The following OR56A3 variants were observed in gnomAD, a reference collection of about 807,000 sequenced individuals.
OR56A3 encodes olfactory receptor 56A3.
A neutral mutation model predicts 17.5 loss-of-function variants in OR56A3; 23 were observed. That is an observed-to-expected ratio of 1.32 (90% CI 0.95 to 1.87). The LOEUF (loss-of-function observed/expected upper bound fraction) is 1.87, where lower values mean the gene tolerates loss of function less well. OR56A3 is among the 40% of genes most tolerant of loss of function. The pLI is 0.00. For synonymous variants in OR56A3, 175 were observed against 150.6 expected, an observed-to-expected ratio of 1.16 and a Z score of -1.19; for missense variants, 366 against 380.1, an observed-to-expected ratio of 0.96 and a Z score of 0.31.
the OR56A3 span, among the ~76,000 whole-genome samples, chr11:6,014,612 T>C: frequency 3.9e-5 from 6 of 152,182 alleles, no homozygotes; most frequent in African/African-American, 1.2e-4. Context: ...TTGATAAAGA[T>C]ACCTGAAAAT....
the OR56A3 span, chr11:5,986,732 T>A: frequency 1.2e-6 from 2 of 1,613,752 alleles, no homozygotes; most frequent in Admixed American, 1.7e-5. Flanking sequence ...TCCATCCAGA[T>A]GATGAAGAGA....
At chr11:5,974,047 G>A in the OR56A3 span, among the ~76,000 whole-genome samples, 4 of 151,706 alleles carry the variant, frequency 2.6e-5, no homozygotes, top group Non-Finnish European at 5.9e-5. Flanking sequence ...TATCTCCTAC[G>A]TGCTTCTTAT....
the OR56A3 span, chr11:6,003,097 C>G: frequency 6.2e-7 from 1 of 1,605,878 alleles, no homozygotes; most frequent in African/African-American, 1.3e-5. Flanking sequence ...TGTGGGTTTC[C>G]ACTGAGGCCC....
rs968752096 is a variant in OR56A3, at chr11:5,950,009, A to G, written c.*1715A>G. 2 of 152,240 alleles carry G rather than the reference A, an allele frequency of 1.3e-5. No homozygotes were observed. Among genetic ancestry groups the G allele is most frequent in the African/African-American group, 4.8e-5 (2 of 41,470 alleles). The allele number at this position is 152,240 out of a possible 1,614,324, so 9.4% of individuals were successfully genotyped here. On this transcript the variant is annotated 3_prime_UTR_variant, in exon 3 of 3. Coordinates refer to ENST00000641160, the MANE Select transcript of OR56A3 (RefSeq NM_001003443.3). ...ATCTCATTCTCTCATACATTTCAAC[A>G]TAAGAAAAATGGCTTGACTTGAAAT...
chr11:5,995,572 A>G, the OR56A3 span, among the ~76,000 whole-genome samples: 1 of 152,206 alleles, frequency 6.6e-6, no homozygotes, highest in Non-Finnish European at 1.5e-5. Flanking sequence ...AATACTACCC[A>G]TCAAGGTTCC....
At chr11:5,959,549 A>G in the OR56A3 span, among the ~76,000 whole-genome samples, 4 of 152,168 alleles carry the variant, frequency 2.6e-5, no homozygotes, top group Non-Finnish European at 5.9e-5. Flanking sequence ...TATTTTAAAC[A>G]TTAATCTTTA....
chr11:5,961,905 T>C, the OR56A3 span, among the ~76,000 whole-genome samples: 4 of 152,230 alleles, frequency 2.6e-5, no homozygotes, highest in Non-Finnish European at 5.9e-5. Context: ...TCTTGCCTAA[T>C]TGCTCATGCT....
At chr11:6,012,770 AC>A in the OR56A3 span, among the ~76,000 whole-genome samples, 2 of 152,200 alleles carry the variant, frequency 1.3e-5, no homozygotes, top group Non-Finnish European at 2.9e-5. Flanking sequence ...ACCAAGGGGC[AC>A]CTTTAGGCCA....
the OR56A3 span, chr11:5,999,504 T>C: frequency 6.6e-6 from 1 of 152,196 alleles, no homozygotes; most frequent in Non-Finnish European, 1.5e-5. Context: ...AGTACACAAA[T>C]TTAGCCAAAT....
the OR56A3 span, among the ~76,000 whole-genome samples, chr11:5,965,746 C>T: frequency 1.3e-5 from 2 of 152,094 alleles, no homozygotes; most frequent in African/African-American, 4.8e-5. Context: ...ACACATGACT[C>T]AAGAAGGTCA....
intron 1 of OR56A3, among the ~76,000 whole-genome samples, chr11:5,943,734 C>T (rs767540558): frequency 3.9e-5 from 6 of 151,980 alleles, no homozygotes; most frequent in Admixed American, 1.3e-4. Context: ...GTTACAAGTG[C>T]CACAAAAAGA....
chr11:5,964,070 C>G, the OR56A3 span, among the ~76,000 whole-genome samples: 28 of 151,944 alleles, frequency 1.8e-4, no homozygotes, highest in African/African-American at 6.8e-4. Flanking sequence ...TTATATTATT[C>G]TTTCAATTTC....
At chr11:5,954,904 A>C (rs971915249), downstream of OR56A3, among the ~76,000 whole-genome samples, 1 of 152,208 alleles carries the variant, frequency 6.6e-6, no homozygotes, top group Non-Finnish European at 1.5e-5. Flanking sequence ...AAGAAGTTGG[A>C]ATTTGTAAAG....
At chr11:5,962,221 T>C in the OR56A3 span, among the ~76,000 whole-genome samples, 12 of 152,244 alleles carry the variant, frequency 7.9e-5, no homozygotes, top group South Asian at 8.3e-4. Flanking sequence ...TTAGCATTTA[T>C]TCTTGCATCT....
chr11:6,017,461 G>C, the OR56A3 span, among the ~76,000 whole-genome samples: 2 of 152,186 alleles, frequency 1.3e-5, no homozygotes, highest in Admixed American at 1.3e-4. Flanking sequence ...GTCAGATTAA[G>C]GGTAGATTTC....
At chr11:6,009,574 AATAC>A in the OR56A3 span, among the ~76,000 whole-genome samples, 1 of 152,160 alleles carries the variant, frequency 6.6e-6, no homozygotes, top group African/African-American at 2.4e-5. Flanking sequence ...ACACACACAT[AATAC>A]ATTATATATT....
chr11:6,012,606 C>A, the OR56A3 span, among the ~76,000 whole-genome samples: 4 of 152,192 alleles, frequency 2.6e-5, no homozygotes, highest in Non-Finnish European at 1.5e-5. Context: ...CTTCTCTGCT[C>A]TGGCTGATCC....
At chr11:5,994,280 T>G in the OR56A3 span, 3 of 614,646 alleles carry the variant, frequency 4.9e-6, no homozygotes, top group Non-Finnish European at 6.1e-6. Flanking sequence ...CTCAGCTCCA[T>G]GAGTGTCATC....
chr11:5,961,483 C>T, the OR56A3 span, among the ~76,000 whole-genome samples: 5 of 152,142 alleles, frequency 3.3e-5, no homozygotes, highest in African/African-American at 9.7e-5. Context: ...GGTGCTGTGT[C>T]CACTCAGGGT....
Sources: gnomAD v4.1 joint callset for allele counts (sites outside exome capture counted in the v4.1 genomes callset) on GRCh38, gnomAD v4.1.1 for gene constraint, MANE v1.5 for transcripts, NCBI Gene and HGNC (gene_info 2026-07-23, HGNC 2026-07-21) for gene names.